CINP: variants seen among roughly 807,000 people sequenced by gnomAD.
The protein encoded by CINP is cyclin dependent kinase 2 interacting protein.
In CINP, 11 loss-of-function variants were observed where a neutral mutation model predicts 20.5. That is an observed-to-expected ratio of 0.54 (90% CI 0.34 to 0.89). The LOEUF (loss-of-function observed/expected upper bound fraction) is 0.89. Ranked by LOEUF, CINP falls within the 40% of genes least tolerant of loss-of-function variation. The pLI, the probability that CINP is intolerant of heterozygous loss-of-function variation, is 0.02. For missense variants in CINP, 213 were observed against 251.0 expected, an observed-to-expected ratio of 0.85 and a Z score of 1.02; for synonymous variants, 108 against 102.1, an observed-to-expected ratio of 1.06 and a Z score of -0.35.
intron 4 of CINP, among the ~76,000 whole-genome samples, 188 bp downstream of exon 4, chr14:102,349,731 C>T (rs1189597971): frequency 6.6e-6 from 1 of 152,160 alleles, no homozygotes; most frequent in African/African-American, 2.4e-5. Context: ...GTTTCATATA[C>T]TCTGCTGATA....
chr14:102,352,774 A>G (rs998605170), intron 3 of CINP, among the ~76,000 whole-genome samples: 1 of 151,476 alleles, frequency 6.6e-6, no homozygotes, highest in Admixed American at 6.6e-5. Flanking sequence ...CAGCCTCCCA[A>G]GTAGCTGGGA....
rs374919480 is a variant in CINP, at chr14:102,351,022, C to T, written c.307-974G>A. On this transcript the variant is annotated intron_variant, in intron 3 of 4. Transcript: ENST00000216756. This position sits in a 1 kb window ranked among gnomAD's most constrained non-coding sequence, Gnocchi z 4.2. ...TGTATTTTTAGTAGAGACGGGGTTT[C>T]ACCATGTTGGCCAGGCTGGTCTTGA... is the stretch of plus-strand genomic sequence containing the variant. 1.1e-4 allele frequency among the ~76,000 whole-genome samples: 17 copies of T among 152,136 alleles called. No individual in the cohort carries two copies. In the East Asian group the frequency reaches 3.1e-3, roughly 28 times the overall value.
intron 3 of CINP, among the ~76,000 whole-genome samples, chr14:102,353,429 C>A (rs761792121): frequency 1.4e-4 from 22 of 152,130 alleles, no homozygotes; most frequent in Non-Finnish European, 3.2e-4. Context: ...AATCCCAGCA[C>A]TTTGGGAGGC....
At chr14:102,352,125 A>C (rs1273033917) in intron 3 of CINP, among the ~76,000 whole-genome samples, 5 of 152,100 alleles carry the variant, frequency 3.3e-5, no homozygotes, top group African/African-American at 9.7e-5. Context: ...TGACCTTGTG[A>C]TCCGCCCACC....
intron 2 of CINP, among the ~76,000 whole-genome samples, 197 bp downstream of exon 2, chr14:102,359,222 A>ATAT (rs1280647444): frequency 1.5e-4 from 16 of 108,610 alleles, no homozygotes; most frequent in African/African-American, 4.9e-4. Context: ...ATAAATAAAT[A>ATAT]ACTAAATATA....
intron 4 of CINP, 44 bp downstream of exon 4, chr14:102,349,875 T>C (rs779558646): frequency 1.2e-6 from 2 of 1,609,504 alleles, no homozygotes; most frequent in South Asian, 2.2e-5. Context: ...ATGCCCTTAA[T>C]AACCTTTACC....
At chr14:102,361,513 C>T (rs891744104) in intron 1 of CINP, among the ~76,000 whole-genome samples, 2 of 152,240 alleles carry the variant, frequency 1.3e-5, no homozygotes, top group African/African-American at 4.8e-5. Context: ...TGGTGGCGGG[C>T]GCCTGTAGTC....
At chr14:102,356,624 A>G (rs1294493388) in intron 2 of CINP, among the ~76,000 whole-genome samples, 1 of 152,212 alleles carries the variant, frequency 6.6e-6, no homozygotes, top group Admixed American at 6.5e-5. Context: ...AACCCTCTGT[A>G]TGTAGAGCAA....
intron 3 of CINP, 145 bp downstream of exon 3, chr14:102,355,623 T>G: frequency 1.1e-6 from 1 of 871,156 alleles, no homozygotes; most frequent in Non-Finnish European, 1.8e-6. Context: ...TTGGGGAACA[T>G]TAAGGTTTAC....
intron 4 of CINP, 27 bp downstream of exon 4, chr14:102,349,891 GA>G (rs1188908740): frequency 1.2e-6 from 2 of 1,613,028 alleles, no homozygotes; most frequent in Non-Finnish European, 1.7e-6. Context: ...TTACCCTCCT[GA>G]AAATCAACTG....
intron 1 of CINP, among the ~76,000 whole-genome samples, chr14:102,361,042 A>G (rs1238303207): frequency 6.6e-6 from 1 of 152,216 alleles, no homozygotes; most frequent in African/African-American, 2.4e-5. Context: ...GGCAGATAAT[A>G]AACAAATGAC....
At chr14:102,349,161 C>T (rs1260134257) in intron 4 of CINP, among the ~76,000 whole-genome samples, 6 of 152,180 alleles carry the variant, frequency 3.9e-5, no homozygotes, top group East Asian at 1.9e-4. Context: ...GGCTGAGGCA[C>T]GAGAATCGCT....
intron 3 of CINP, 62 bp downstream of exon 3, chr14:102,355,699 GCAAACCC>G (rs1886982854): frequency 1.9e-6 from 3 of 1,580,990 alleles, no homozygotes; most frequent in Non-Finnish European, 2.6e-6. Flanking sequence ...CAATGGTCAA[GCAAACCC>G]CAAATACGTC....
chr14:102,355,908 T>C lies in CINP; in HGVS notation c.177-11A>G, dbSNP rs778931599. 7.4e-6 allele frequency: 12 copies of C among 1,613,486 alleles called. No homozygotes were observed. The highest frequency in any genetic ancestry group is 5.0e-5 in the Admixed American group (3 of 59,888). On this transcript the variant is annotated splice_polypyrimidine_tract_variant and intron_variant, in intron 2 of 4. Transcript: ENST00000216756. ...ATCTTGTCTTTATTCCTAAACAAAA[T>C]AGAAAATAATGTGTACAAAATATAC... is the stretch of plus-strand genomic sequence containing the variant.
intron 3 of CINP, 97 bp downstream of exon 3, chr14:102,355,671 G>A: frequency 1.5e-6 from 2 of 1,367,886 alleles, no homozygotes; most frequent in Non-Finnish European, 2.0e-6. Context: ...AGGAGACTGA[G>A]AAGGAGTAAG....
rs142434367 is a variant in CINP, at chr14:102,352,175, C to T, written c.307-2127G>A. Among the ~76,000 whole-genome samples, 16 of 152,294 alleles carry T rather than the reference C, an allele frequency of 1.1e-4. No homozygotes were observed. In the East Asian group the frequency reaches 1.5e-3, roughly 15 times the overall value. On this transcript the variant is annotated intron_variant, in intron 3 of 4. Coordinates refer to ENST00000216756, the MANE Select transcript of CINP (RefSeq NM_032630.3). ...TGTTGGGATTCCAGGCGTGAGCCAC[C>T]GCGCCCAGCCGACACCAAGTTTTAA...
intron 2 of CINP, among the ~76,000 whole-genome samples, chr14:102,359,105 G>T (rs1316837455): frequency 6.6e-6 from 1 of 151,608 alleles, no homozygotes; most frequent in African/African-American, 2.4e-5. Context: ...GGAGGCTGAG[G>T]TAGGAGAATT....
intron 3 of CINP, among the ~76,000 whole-genome samples, chr14:102,353,791 A>G (rs1291215020): frequency 6.6e-6 from 1 of 152,066 alleles, no homozygotes; most frequent in Non-Finnish European, 1.5e-5. Flanking sequence ...AAAACAAGAC[A>G]TGACGGAAAA....
chr14:102,354,283 G>GT (rs1886945004), intron 3 of CINP, among the ~76,000 whole-genome samples: 1 of 152,168 alleles, frequency 6.6e-6, no homozygotes, highest in Admixed American at 6.5e-5. Flanking sequence ...CTTACGTGCT[G>GT]TATCAGGGAT....
Sources: gnomAD v4.1 joint callset for allele counts (sites outside exome capture counted in the v4.1 genomes callset) on GRCh38, gnomAD v4.1.1 for gene constraint, Gnocchi (gnomAD v3.1) non-coding constraint, MANE v1.5 for transcripts, NCBI Gene and HGNC (gene_info 2026-07-23, HGNC 2026-07-21) for gene names.